PRR14L: variants seen among roughly 807,000 people sequenced by gnomAD.
PRR14L encodes the protein protein PRR14L.
A neutral mutation model predicts 155.0 loss-of-function variants in PRR14L; 80 were observed. That is an observed-to-expected ratio of 0.52 (90% CI 0.43 to 0.62). The LOEUF is 0.62. PRR14L is among the 20% of genes least tolerant of loss of function. The probability of loss-of-function intolerance (pLI) is 0.00; values close to 1 mark genes in which losing one functional copy is unlikely to be tolerated. For missense variants in PRR14L, 2,469 were observed against 2,548.0 expected, an observed-to-expected ratio of 0.97 and a Z score of 0.67; for synonymous variants, 883 against 916.0, an observed-to-expected ratio of 0.96 and a Z score of 0.65.
Position 31,713,769 on chromosome 22 carries a change from T to A in PRR14L, c.4070A>T (p.Glu1357Val). Reference sequence around the variant, plus strand: ...ATCGCCAGTTTCTCTGGTAACCAACTCCTCAGATTGCTCCCCAACAGTTAA... The same window carrying A: ...ATCGCCAGTTTCTCTGGTAACCAACACCTCAGATTGCTCCCCAACAGTTAA... ...GYLTVGEQSE[E>V]LVTRETGDGD... Residue 1357 changes from glutamate to valine, a missense_variant, in exon 4 of 9, where the codon GAG (glutamate) becomes GTG (valine). Around this residue, in one of 2 missense-constraint regions of PRR14L, gnomAD observed 2,363 missense variants for 2,371.6 expected, o/e 1.00. Coordinates refer to ENST00000327423, the MANE Select transcript of PRR14L (RefSeq NM_173566.3). 1 of 1,552,354 alleles carries A rather than the reference T, an allele frequency of 6.4e-7. No individual in the cohort carries two copies. Among genetic ancestry groups the A allele is most frequent in the Non-Finnish European group, 8.7e-7 (1 of 1,147,146 alleles).
At chr22:31,721,880 G>C (rs931783941) in intron 3 of PRR14L, among the ~76,000 whole-genome samples, 2 of 152,164 alleles carry the variant, frequency 1.3e-5, no homozygotes, top group East Asian at 3.9e-4. Flanking sequence ...AGTACTGACA[G>C]TGGGACATTT....
chr22:31,719,916 T>C (rs2074681130), intron 3 of PRR14L, among the ~76,000 whole-genome samples: 1 of 152,108 alleles, frequency 6.6e-6, no homozygotes. Flanking sequence ...TTTGTACTTT[T>C]TGTAGAAACA....
chr22:31,735,436 G>A (rs796679443), intron 2 of PRR14L, among the ~76,000 whole-genome samples: 2 of 139,600 alleles, frequency 1.4e-5, no homozygotes, highest in African/African-American at 2.8e-5. Flanking sequence ...GCAAGAATCT[G>A]TCTCAAAAAA....
At chr22:31,729,235 G>A (rs560619966) in intron 2 of PRR14L, among the ~76,000 whole-genome samples, 3 of 152,220 alleles carry the variant, frequency 2.0e-5, no homozygotes, top group Admixed American at 6.5e-5. Flanking sequence ...TTTTTGAGAC[G>A]AAGTCTCGCT....
intron 2 of PRR14L, among the ~76,000 whole-genome samples, chr22:31,730,069 C>T (rs769893906): frequency 4.6e-5 from 7 of 151,552 alleles, no homozygotes; most frequent in Non-Finnish European, 2.9e-5. Context: ...CTGCTTAAAC[C>T]CAGGAGGCAG....
intron 8 of PRR14L, among the ~76,000 whole-genome samples, chr22:31,687,329 C>A (rs1382296712): frequency 6.6e-6 from 1 of 151,278 alleles, no homozygotes; most frequent in Non-Finnish European, 1.5e-5. Context: ...AGCCACTGCA[C>A]CTGGCTGAGA....
At chr22:31,706,461 G>A (rs1014073837) in intron 4 of PRR14L, among the ~76,000 whole-genome samples, 4 of 137,664 alleles carry the variant, frequency 2.9e-5, no homozygotes, top group African/African-American at 1.2e-4. Context: ...GTCTCACTTT[G>A]TCACCCAGGC....
intron 7 of PRR14L, among the ~76,000 whole-genome samples, chr22:31,698,293 G>A (rs2074545178): frequency 6.6e-6 from 1 of 151,856 alleles, no homozygotes; most frequent in Admixed American, 6.6e-5. Context: ...CCAATGTGCT[G>A]TGATTACAGG....
rs2074640934 is a variant in PRR14L, at chr22:31,714,231, T to C, written c.3608A>G (p.Glu1203Gly). ...TTCTTTGCCAAACTCAGAGTTTGGT[T>C]CTAGTCTTGATCCTTCAGTCATTTC... is the stretch of plus-strand genomic sequence containing the variant. ...TQEMTEGSRLEPNSEFGKEST... is the reference protein window; with the variant it reads ...TQEMTEGSRLGPNSEFGKEST... The change falls in exon 4 of 9, where the codon GAA becomes GGA. Residue 1203 changes from glutamate (E) to glycine (G), a missense_variant. Physicochemically the swap from Glu to Gly is moderately conservative, Grantham distance 98 (BLOSUM62 -2). Around this residue, in one of 2 missense-constraint regions of PRR14L, gnomAD observed 2,363 missense variants for 2,371.6 expected, o/e 1.00. Coordinates refer to ENST00000327423, the MANE Select transcript of PRR14L (RefSeq NM_173566.3). The C allele has an allele frequency of 6.4e-7, 1 of 1,551,456 alleles. No individual in the cohort carries two copies. Among genetic ancestry groups the C allele is most frequent in the Non-Finnish European group, 8.7e-7 (1 of 1,146,906 alleles).
intron 7 of PRR14L, among the ~76,000 whole-genome samples, chr22:31,690,601 C>A (rs576491695): frequency 7.9e-5 from 12 of 152,070 alleles, no homozygotes; most frequent in African/African-American, 2.7e-4. Context: ...CCTCCTCTCT[C>A]AGCTTCCCAA....
Position 31,712,240 on chromosome 22 carries a change from C to G in PRR14L, c.5599G>C (p.Ala1867Pro). 6.2e-7 allele frequency: 1 copy of G among 1,614,192 alleles called. No individual in the cohort carries two copies. ...TQGLKGLRSP[A>P]SIADKVFCSL... is the part of the protein sequence containing the mutation. Reference sequence around the variant, plus strand: ...CAGAAGACCTTGTCTGCTATGGAGGCTGGAGACCGTAACCCTTTCAGGCCC... The same window carrying G: ...CAGAAGACCTTGTCTGCTATGGAGGGTGGAGACCGTAACCCTTTCAGGCCC... The change falls in exon 4 of 9, where the codon GCC (alanine) becomes CCC (proline). Residue 1867 changes from alanine to proline, a missense_variant. This residue lies in a region of PRR14L where 2,363 missense variants were observed against 2,371.6 expected (regional missense o/e 1.00). Transcript: ENST00000327423.
intron 7 of PRR14L, among the ~76,000 whole-genome samples, chr22:31,689,424 C>G (rs1432537940): frequency 6.6e-6 from 1 of 152,232 alleles, no homozygotes; most frequent in Non-Finnish European, 1.5e-5. Flanking sequence ...ATACATTCAT[C>G]TTATTCATTT....
Position 31,738,910 on chromosome 22 carries a change from C to T in PRR14L, c.-50G>A. ...CAAGTCTTTTACATCAAATGATTCA[C>T]CCTGACACAAATCACAGGAAGGGAT... On this transcript the variant is annotated splice_region_variant and 5_prime_UTR_variant, in exon 2 of 9. In the 5' UTR this introduces an upstream ATG that the reference lacks. Coordinates refer to ENST00000327423, the MANE Select transcript of PRR14L (RefSeq NM_173566.3). 3 of 1,258,292 alleles carry T rather than the reference C, an allele frequency of 2.4e-6. No homozygotes were observed. Among genetic ancestry groups the T allele is most frequent in the African/African-American group, 1.5e-5 (1 of 66,780 alleles). 77.9% of individuals were successfully genotyped at this position (1,258,292 alleles called of 1,614,324 possible). A position where few individuals can be genotyped will look rare whatever the true frequency, so the allele number is the denominator to read the frequency against.
In PRR14L at chr22:31,717,116, A is replaced by T; in HGVS notation, c.723T>A (p.Asp241Glu). ...FQEVDKIMTS[D>E]EVSETSTLVT... The stretch of plus-strand genomic sequence containing the variant: ...CTAATGTGCTGGTTTCTGAAACCTC[A>T]TCACTGGTCATGATTTTGTCTACTT... The change falls in exon 4 of 9, where the codon GAT becomes GAA. Residue 241 changes from aspartate (D) to glutamate (E), a missense_variant. This residue lies in a region of PRR14L where 2,363 missense variants were observed against 2,371.6 expected (regional missense o/e 1.00). Transcript: ENST00000327423. 6.4e-7 allele frequency: 1 copy of T among 1,552,292 alleles called. No individual in the cohort carries two copies.
chr22:31,704,445 A>T (rs1316975366), intron 5 of PRR14L: 1 of 394,570 alleles, frequency 2.5e-6, no homozygotes, highest in Non-Finnish European at 4.6e-6. Context: ...TTTTTTTTTA[A>T]CAAATTGTAT....
chr22:31,688,905 C>CAA lies in PRR14L; in HGVS notation c.6108-679_6108-678insTT, dbSNP rs140893797. Among the ~76,000 whole-genome samples the CAA allele has an allele frequency of 2.0e-5, 3 of 151,078 alleles. No individual in the cohort carries two copies. In the East Asian group the frequency reaches 5.8e-4, roughly 29 times the overall value. The stretch of plus-strand genomic sequence containing the variant: ...GTCTCTTAAAAAATATATACATACA[C>CAA]ACACACACACACACACACACAAAAA... On this transcript the variant is annotated intron_variant, in intron 7 of 8. Transcript: ENST00000327423.
intron 1 of PRR14L, among the ~76,000 whole-genome samples, chr22:31,739,665 T>C (rs1052160907): frequency 1.3e-5 from 2 of 152,194 alleles, no homozygotes; most frequent in South Asian, 2.1e-4. Context: ...AGGTTAAATA[T>C]GACCTGCCTA....
At chr22:31,741,576 A>G (rs1411290342) in intron 1 of PRR14L, among the ~76,000 whole-genome samples, 2 of 152,214 alleles carry the variant, frequency 1.3e-5, no homozygotes, top group East Asian at 3.8e-4. Context: ...AAGCTTTCAT[A>G]AACAGTGCTG....
chr22:31,683,770 T>C lies in PRR14L; in HGVS notation c.*1757A>G. ...TTCTGCTCCAGTGTGGCATAGACTG[T>C]CAACCTGCAAAAGCAAGGCACATAG... On this transcript the variant is annotated 3_prime_UTR_variant, in exon 9 of 9. Transcript: ENST00000327423. 6.6e-6 allele frequency: 1 copy of C among 152,638 alleles called. No homozygotes were observed. The allele number at this position is 152,638 out of a possible 1,614,324, so 9.5% of individuals were successfully genotyped here.
Sources: gnomAD v4.1 joint callset for allele counts (sites outside exome capture counted in the v4.1 genomes callset) on GRCh38, gnomAD v4.1.1 for gene constraint, gnomAD v4.1.1 regional missense constraint, MANE v1.5 for transcripts, NCBI Gene and HGNC (gene_info 2026-07-23, HGNC 2026-07-21) for gene names.